GIGYF2: variants seen among roughly 807,000 people sequenced by gnomAD.
GIGYF2 encodes the protein GRB10-interacting GYF protein 2.
In GIGYF2, 25 loss-of-function variants were observed where a neutral mutation model predicts 208.1. The observed-to-expected ratio is 0.12, with a 90% CI of 0.09 to 0.17. GIGYF2 has a LOEUF of 0.17. Ranked by LOEUF, GIGYF2 falls within the 10% of genes least tolerant of loss-of-function variation. The pLI is 1.00. For synonymous variants in GIGYF2, 534 were observed against 543.8 expected, an observed-to-expected ratio of 0.98 and a Z score of 0.25; for missense variants, 1,302 against 1,579.4, an observed-to-expected ratio of 0.82 and a Z score of 2.98.
At chr2:232,770,480 A>C (rs1699189668) in intron 8 of GIGYF2, among the ~76,000 whole-genome samples, 1 of 152,228 alleles carries the variant, frequency 6.6e-6, no homozygotes, top group African/African-American at 2.4e-5. Flanking sequence ...ATTCTAGCTC[A>C]GTGAAGAAAA....
chr2:232,817,880 T>C (rs1297516476), intron 20 of GIGYF2, among the ~76,000 whole-genome samples: 1 of 152,222 alleles, frequency 6.6e-6, no homozygotes, highest in African/African-American at 2.4e-5. Context: ...TTCAACACTT[T>C]CCTAGAAGTG....
chr2:232,824,046 C>T (rs566313932), intron 21 of GIGYF2, among the ~76,000 whole-genome samples: 20 of 152,248 alleles, frequency 1.3e-4, no homozygotes, highest in Admixed American at 2.6e-4. Context: ...GTGAACTGTG[C>T]CCATGTAAGG....
intron 18 of GIGYF2, among the ~76,000 whole-genome samples, chr2:232,814,703 C>A (rs1480938491): frequency 6.6e-6 from 1 of 151,796 alleles, no homozygotes; most frequent in Non-Finnish European, 1.5e-5. Context: ...TGAAAAAATC[C>A]AAAATTTGAA....
chr2:232,811,407 GAAGA>G, intron 17 of GIGYF2, 56 bp downstream of exon 17: 2 of 1,017,486 alleles, frequency 2.0e-6, no homozygotes. Context: ...GAAAGAAAGA[GAAGA>G]AAGGAGAAAT....
At chr2:232,826,118 G>T (rs1701239109) in intron 21 of GIGYF2, among the ~76,000 whole-genome samples, 1 of 152,100 alleles carries the variant, frequency 6.6e-6, no homozygotes, top group South Asian at 2.1e-4. Flanking sequence ...TGGACATTTG[G>T]GTTGGTTCCA....
intron 3 of GIGYF2, among the ~76,000 whole-genome samples, chr2:232,743,102 T>A (rs979952514): frequency 6.6e-6 from 1 of 152,136 alleles, no homozygotes; most frequent in Non-Finnish European, 1.5e-5. Context: ...ATCATGGGGC[T>A]TTGGGGGGCC....
intron 8 of GIGYF2, chr2:232,767,864 T>G (rs1559415137): frequency 3.3e-6 from 1 of 306,580 alleles, no homozygotes; most frequent in Non-Finnish European, 6.2e-6. Context: ...TTTCTTAGAG[T>G]TCAGTTGTGT....
intron 14 of GIGYF2, among the ~76,000 whole-genome samples, chr2:232,802,325 A>G (rs962693078): frequency 3.9e-5 from 6 of 151,954 alleles, no homozygotes; most frequent in African/African-American, 1.2e-4. Context: ...GTCCTTCGCT[A>G]TCTCCTAATG....
chr2:232,712,917 A>T (rs1189959675), intron 2 of GIGYF2, among the ~76,000 whole-genome samples: 1 of 152,204 alleles, frequency 6.6e-6, no homozygotes, highest in East Asian at 1.9e-4. Flanking sequence ...GAGTTTGTTT[A>T]TAAGTTAGGA....
At chr2:232,781,290 A>ACACACACACG (rs1431266122) in intron 8 of GIGYF2, among the ~76,000 whole-genome samples, 3 of 107,562 alleles carry the variant, frequency 2.8e-5, no homozygotes, top group Non-Finnish European at 4.4e-5. Flanking sequence ...TCAGGAATAC[A>ACACACACACG]CACACACACA....
At position 232,857,281 on chromosome 2, in the gene GIGYF2, T is replaced by A; in HGVS notation, c.*421T>A. ...CCCCCATCAGGGCAAATGGTCTAAC[T>A]GGTGCAATCATGAAGAGAGTTAATG... On this transcript the variant is annotated 3_prime_UTR_variant, in exon 29 of 29. Transcript: ENST00000373563. 3.4e-6 allele frequency: 1 copy of A among 295,576 alleles called. No individual in the cohort carries two copies. Among genetic ancestry groups the A allele is most frequent in the Non-Finnish European group, 6.6e-6 (1 of 152,568 alleles). The allele number at this position is 295,576 out of a possible 1,614,324, so 18.3% of individuals were successfully genotyped here. A position where few individuals can be genotyped will look rare whatever the true frequency, so the allele number is the denominator to read the frequency against.
At chr2:232,769,283 C>A (rs1699119684) in intron 8 of GIGYF2, among the ~76,000 whole-genome samples, 1 of 152,068 alleles carries the variant, frequency 6.6e-6, no homozygotes, top group Non-Finnish European at 1.5e-5. Flanking sequence ...GTAATCCCGG[C>A]ACTTTGGGAG....
chr2:232,808,288 A>G (rs1162583455), intron 15 of GIGYF2, among the ~76,000 whole-genome samples: 1 of 152,240 alleles, frequency 6.6e-6, no homozygotes, highest in African/African-American at 2.4e-5. Context: ...TCTGAAATTA[A>G]GATGAGTTTT....
At chr2:232,841,061 C>T (rs1479743289) in intron 23 of GIGYF2, among the ~76,000 whole-genome samples, 3 of 150,588 alleles carry the variant, frequency 2.0e-5, no homozygotes, top group African/African-American at 7.4e-5. Context: ...TTATTTCCCA[C>T]CTTTATTTAA....
In GIGYF2 at chr2:232,858,711, A is replaced by G. The variant is rs1481777505; in HGVS notation, c.*1851A>G. 1 of 360,764 alleles carries G rather than the reference A, an allele frequency of 2.8e-6. No homozygotes were observed. The highest frequency in any genetic ancestry group is 5.4e-6 in the Non-Finnish European group (1 of 185,426). 22.3% of individuals were successfully genotyped at this position (360,764 alleles called of 1,614,324 possible). A position where few individuals can be genotyped will look rare whatever the true frequency, so the allele number is the denominator to read the frequency against. On this transcript the variant is annotated 3_prime_UTR_variant, in exon 29 of 29. Coordinates refer to ENST00000373563, the MANE Select transcript of GIGYF2 (RefSeq NM_001103146.3). ...CTCTTGGTACCATGGAAAAGCTCCAAGCACCCAAGACATGGAGGCAGCCAT... is the reference window on the plus strand; with the variant it reads ...CTCTTGGTACCATGGAAAAGCTCCAGGCACCCAAGACATGGAGGCAGCCAT...
At chr2:232,731,079 A>G (rs1218272194) in intron 2 of GIGYF2, 1 of 152,156 alleles carries the variant, frequency 6.6e-6, no homozygotes, top group East Asian at 1.9e-4. Flanking sequence ...GCAATGATAA[A>G]GTGGACCCAA....
intron 6 of GIGYF2, among the ~76,000 whole-genome samples, chr2:232,757,358 A>AT (rs958777667): frequency 4.7e-4 from 70 of 148,090 alleles, no homozygotes; most frequent in East Asian, 1.2e-3. Context: ...TTTAGAGAAT[A>AT]TTTTTTTTTT....
intron 2 of GIGYF2, among the ~76,000 whole-genome samples, chr2:232,728,303 T>C (rs971061205): frequency 6.6e-6 from 1 of 152,156 alleles, no homozygotes; most frequent in African/African-American, 2.4e-5. Flanking sequence ...GATTGGACTT[T>C]TTTAGAGGAG....
intron 18 of GIGYF2, among the ~76,000 whole-genome samples, chr2:232,813,752 T>C (rs1364945752): frequency 6.6e-6 from 1 of 152,194 alleles, no homozygotes; most frequent in Non-Finnish European, 1.5e-5. Context: ...CCTTATTTTT[T>C]CTTGATAGCC....
Sources: allele counts gnomAD v4.1 joint callset (sites outside exome capture counted in the v4.1 genomes callset), GRCh38; gene constraint gnomAD v4.1.1; transcripts MANE v1.5; gene names NCBI Gene and HGNC (gene_info 2026-07-23, HGNC 2026-07-21).